The following LPL variants were observed in gnomAD, a reference collection of about 807,000 sequenced individuals.
LPL encodes lipoprotein lipase.
In LPL, 43 loss-of-function variants were observed where a neutral mutation model predicts 52.2. The observed-to-expected ratio is 0.82, with a 90% CI of 0.64 to 1.06. The LOEUF (loss-of-function observed/expected upper bound fraction) is 1.06. LPL is among the 50% of genes least tolerant of loss of function. The probability of loss-of-function intolerance (pLI) is 0.00; values close to 1 mark genes in which losing one functional copy is unlikely to be tolerated. For synonymous variants in LPL, 244 were observed against 215.6 expected, an observed-to-expected ratio of 1.13 and a Z score of -1.15; for missense variants, 639 against 585.3, an observed-to-expected ratio of 1.09 and a Z score of -0.95.
intron 6 of LPL, among the ~76,000 whole-genome samples, chr8:19,956,486 T>C (rs1033906253): frequency 6.6e-6 from 1 of 152,138 alleles, no homozygotes; most frequent in Non-Finnish European, 1.5e-5. Flanking sequence ...AGTTCAGGGG[T>C]ACGTATGTAG....
chr8:19,958,920 A>T (rs2070012414), intron 6 of LPL, among the ~76,000 whole-genome samples: 1 of 152,226 alleles, frequency 6.6e-6, no homozygotes, highest in South Asian at 2.1e-4. Flanking sequence ...GAGTTCATGG[A>T]GAAAGCATCA....
In LPL at chr8:19,961,036, C is replaced by A. The variant is rs2128839613; in HGVS notation, c.1275C>A (p.Gly425=). The change falls in exon 8 of 10, where the codon GGC becomes GGA. Residue 425 remains glycine (G), a synonymous_variant. Transcript: ENST00000650287. ...GGTCAGACTGGTGGAGCAGTCCCGG[C>A]TTCGCCATTCAGAAGATCAGAGTAA... ...FSWSDWWSSP[G]FAIQKIRVKA... is the part of the protein sequence containing the mutation. 6.2e-7 allele frequency: 1 copy of A among 1,614,098 alleles called. No individual in the cohort carries two copies. The highest frequency in any genetic ancestry group is 1.7e-4 in the Middle Eastern group (1 of 6,060).
At chr8:19,959,141 T>G in intron 6 of LPL, 119 bp from the exon 7 acceptor site, 2 of 1,212,520 alleles carry the variant, frequency 1.6e-6, no homozygotes, top group South Asian at 1.3e-5. Context: ...GTTCCATGTG[T>G]GTGCACTTCC....
rs2070092432 is a variant in LPL at position 19,966,671 on chromosome 8, G to C, written c.*1361G>C. On this transcript the variant is annotated 3_prime_UTR_variant, in exon 10 of 10. Transcript: ENST00000650287. ...TGTTGTCCTTCAGCATAATTCGGAAGGGAAAACAGTCGATCAAGGGATGTA... is the reference window on the plus strand; with the variant it reads ...TGTTGTCCTTCAGCATAATTCGGAACGGAAAACAGTCGATCAAGGGATGTA... The C allele has an allele frequency of 6.6e-6, 1 of 152,184 alleles. No individual in the cohort carries two copies. Among genetic ancestry groups the C allele is most frequent in the South Asian group, 2.1e-4 (1 of 4,830 alleles). 9.4% of individuals were successfully genotyped at this position (152,184 alleles called of 1,614,324 possible). A position where few individuals can be genotyped will look rare whatever the true frequency, so the allele number is the denominator to read the frequency against.
At chr8:19,940,990 C>T (rs1362060349) in intron 1 of LPL, among the ~76,000 whole-genome samples, 2 of 152,070 alleles carry the variant, frequency 1.3e-5, no homozygotes, top group Non-Finnish European at 2.9e-5. Flanking sequence ...AGATAGTCAG[C>T]AGGCTGAGAG....
intron 4 of LPL, 98 bp downstream of exon 4, chr8:19,953,519 G>T (rs191509467): frequency 1.3e-6 from 1 of 777,836 alleles, no homozygotes; most frequent in South Asian, 1.5e-5. Flanking sequence ...CACATGTGTG[G>T]TGTTCTTCCC....
intron 1 of LPL, among the ~76,000 whole-genome samples, chr8:19,941,097 T>TAAAAC (rs1277868111): frequency 3.3e-5 from 5 of 152,028 alleles, no homozygotes; most frequent in Non-Finnish European, 4.4e-5. Context: ...CTCATAAAAT[T>TAAAAC]AAAACAAAAC....
intron 9 of LPL, among the ~76,000 whole-genome samples, chr8:19,963,175 C>T (rs554707778): frequency 6.6e-6 from 1 of 152,198 alleles, no homozygotes; most frequent in Non-Finnish European, 1.5e-5. Flanking sequence ...TGCCTTCATG[C>T]CTGCAATCCC....
chr8:19,964,889 A>C (rs1001195074), intron 9 of LPL, among the ~76,000 whole-genome samples: 1 of 152,210 alleles, frequency 6.6e-6, no homozygotes, highest in Admixed American at 6.5e-5. Flanking sequence ...AATTAGACTA[A>C]TAATCTTCTA....
chr8:19,948,139 C>G (rs756313676), intron 1 of LPL, 41 bp from the exon 2 acceptor site: 25 of 1,591,144 alleles, frequency 1.6e-5, no homozygotes, highest in African/African-American at 1.3e-5. Flanking sequence ...TAAAATCAAG[C>G]AACCCTCCAG....
intron 2 of LPL, among the ~76,000 whole-genome samples, chr8:19,948,971 T>G (rs2069908485): frequency 6.6e-6 from 1 of 151,864 alleles, no homozygotes; most frequent in Non-Finnish European, 1.5e-5. Context: ...ACTGACATGC[T>G]GACATGCCAG....
At chr8:19,957,956 G>A (rs1004987285) in intron 6 of LPL, among the ~76,000 whole-genome samples, 1 of 151,422 alleles carries the variant, frequency 6.6e-6, no homozygotes, top group African/African-American at 2.4e-5. Flanking sequence ...CAAGGATAGT[G>A]GGATATAGAA....
chr8:19,946,070 T>G (rs192563081), intron 1 of LPL, among the ~76,000 whole-genome samples: 143 of 152,272 alleles, frequency 9.4e-4, no homozygotes, highest in Admixed American at 8.8e-3. Flanking sequence ...ATAGTAAAGC[T>G]ACTAGAGTGC....
rs768585624 is a variant in LPL, at chr8:19,955,864, T to C, written c.799T>C (p.Ser267Pro). The stretch of plus-strand genomic sequence containing the variant: ...AGATGTGGACCAGCTAGTGAAGTGC[T>C]CCCACGAGCGCTCCATTCATCTCTT... ...LGDVDQLVKC[S>P]HERSIHLFID... Residue 267 changes from serine to proline, a missense_variant, in exon 6 of 10, where the codon TCC becomes CCC. Physicochemically the swap from Ser to Pro is moderately conservative, Grantham distance 74. Transcript: ENST00000650287. 6.2e-7 allele frequency: 1 copy of C among 1,614,170 alleles called. No homozygotes were observed. The highest frequency in any genetic ancestry group is 8.5e-7 in the Non-Finnish European group (1 of 1,180,036).
chr8:19,941,324 A>C (rs549121849), intron 1 of LPL, among the ~76,000 whole-genome samples: 1 of 152,342 alleles, frequency 6.6e-6, no homozygotes, highest in East Asian at 1.9e-4. Flanking sequence ...AGCACACCAT[A>C]GAATAACGTC....
chr8:19,964,671 G>C (rs1009378348), intron 9 of LPL, among the ~76,000 whole-genome samples: 1 of 152,084 alleles, frequency 6.6e-6, no homozygotes, highest in Non-Finnish European at 1.5e-5. Flanking sequence ...TGGGATTATA[G>C]GTGCCCGTTA....
intron 8 of LPL, among the ~76,000 whole-genome samples, chr8:19,961,524 C>T (rs957309376): frequency 7.9e-5 from 12 of 151,830 alleles, no homozygotes; most frequent in Non-Finnish European, 1.0e-4. Context: ...CCATGTGTAC[C>T]CATAAAATGA....
intron 4 of LPL, 29 bp downstream of exon 4, chr8:19,953,450 A>G (rs1182758018): frequency 2.6e-6 from 4 of 1,520,334 alleles, no homozygotes; most frequent in East Asian, 2.3e-5. Flanking sequence ...TGGTCTTATC[A>G]TAAGAGGTGA....
chr8:19,962,257 G>C (rs2070046623), intron 9 of LPL, 38 bp downstream of exon 9: 10 of 1,525,522 alleles, frequency 6.6e-6, no homozygotes, highest in Non-Finnish European at 9.1e-6. Flanking sequence ...GGCATCCTGA[G>C]CTTGCACCCT....
Sources: gnomAD v4.1 joint callset for allele counts (sites outside exome capture counted in the v4.1 genomes callset) on GRCh38, gnomAD v4.1.1 for gene constraint, MANE v1.5 for transcripts, NCBI Gene and HGNC (gene_info 2026-07-23, HGNC 2026-07-21) for gene names.